Variants in MTREX observed in about 807,000 individuals in gnomAD.
MTREX encodes the protein exosome RNA helicase MTR4.
A neutral mutation model predicts 135.4 loss-of-function variants in MTREX; 76 were observed. The observed-to-expected ratio is 0.56, with a 90% confidence interval of 0.47 to 0.68. The LOEUF (loss-of-function observed/expected upper bound fraction) is 0.68. MTREX is among the 30% of genes least tolerant of loss of function. The probability of loss-of-function intolerance (pLI) is 0.00; values close to 1 mark genes in which losing one functional copy is unlikely to be tolerated. For synonymous variants in MTREX, 404 were observed against 401.6 expected (o/e 1.01, Z -0.07); for missense variants, 920 against 1,262.1 (o/e 0.73, Z 4.11).
chr5:55,414,291 G>A (rs1348474588), intron 24 of MTREX, 53 bp downstream of exon 24: 2 of 1,188,434 alleles, frequency 1.7e-6, no homozygotes, highest in Non-Finnish European at 2.2e-6. Flanking sequence ...ATAGTAGATT[G>A]TAAAATAAAC....
chr5:55,343,227 C>A (rs1014361082), intron 7 of MTREX, 104 bp from the exon 8 acceptor site: 1 of 1,014,012 alleles, frequency 9.9e-7, no homozygotes. Flanking sequence ...TGAGTAAAGT[C>A]TGCATTTCTA....
intron 19 of MTREX, among the ~76,000 whole-genome samples, chr5:55,396,867 G>T (rs1473274804): frequency 2.0e-5 from 3 of 152,182 alleles, no homozygotes; most frequent in Non-Finnish European, 4.4e-5. Flanking sequence ...AAGAGCAGTT[G>T]AAAGGAAGCA....
At chr5:55,333,331 C>A (rs942451841) in intron 5 of MTREX, among the ~76,000 whole-genome samples, 2 of 152,120 alleles carry the variant, frequency 1.3e-5, no homozygotes, top group African/African-American at 4.8e-5. Flanking sequence ...CACTCCTGTT[C>A]AGAAGATGCT....
intron 6 of MTREX, 65 bp downstream of exon 6, chr5:55,340,249 G>C: frequency 7.7e-7 from 1 of 1,297,976 alleles, no homozygotes; most frequent in Non-Finnish European, 1.0e-6. Flanking sequence ...TATTCAGTTA[G>C]AACCTGGGAA....
intron 11 of MTREX, 128 bp downstream of exon 11, chr5:55,347,272 AG>A: frequency 1.1e-6 from 1 of 876,858 alleles, no homozygotes; most frequent in Non-Finnish European, 1.7e-6. Context: ...AGCAGTACTC[AG>A]CACATTTGTA....
chr5:55,416,255 C>CT, intron 25 of MTREX, 123 bp downstream of exon 25: 1 of 579,970 alleles, frequency 1.7e-6, no homozygotes, highest in Non-Finnish European at 2.8e-6. Flanking sequence ...AATCTTCTCC[C>CT]TATTATATAG....
chr5:55,382,851 G>A (rs919759770), intron 18 of MTREX, among the ~76,000 whole-genome samples: 10 of 152,054 alleles, frequency 6.6e-5, no homozygotes, highest in African/African-American at 1.9e-4. Flanking sequence ...CCAGACTGAT[G>A]TCAAACTCCT....
intron 22 of MTREX, among the ~76,000 whole-genome samples, chr5:55,406,320 C>T (rs1361750207): frequency 5.3e-5 from 8 of 152,048 alleles, no homozygotes; most frequent in Non-Finnish European, 1.2e-4. Flanking sequence ...AGTAGGAGTC[C>T]GGAGCGGCTG....
At chr5:55,378,554 C>G (rs1472984890) in intron 17 of MTREX, 68 bp downstream of exon 17, 1 of 1,454,800 alleles carries the variant, frequency 6.9e-7, no homozygotes, top group Non-Finnish European at 9.2e-7. Context: ...GTTAAAGATT[C>G]TAATTTATTT....
chr5:55,407,603 CCTT>C (rs1164784890), intron 22 of MTREX, among the ~76,000 whole-genome samples: 1 of 152,190 alleles, frequency 6.6e-6, no homozygotes, highest in East Asian at 1.9e-4. Context: ...ATCCTAGACT[CCTT>C]CTCTCACCCA....
intron 3 of MTREX, among the ~76,000 whole-genome samples, chr5:55,326,303 G>A (rs1266438056): frequency 6.6e-6 from 1 of 152,202 alleles, no homozygotes; most frequent in Non-Finnish European, 1.5e-5. Flanking sequence ...AGGAGGCTGA[G>A]GCAGGGGAAT....
chr5:55,321,262 T>C (rs1021246221), intron 1 of MTREX, among the ~76,000 whole-genome samples: 2 of 152,200 alleles, frequency 1.3e-5, no homozygotes, highest in Non-Finnish European at 2.9e-5. Context: ...TTTGAGCCAC[T>C]GACCTGATAT....
intron 22 of MTREX, 64 bp from the exon 23 acceptor site, chr5:55,410,460 G>C (rs910478193): frequency 1.9e-5 from 16 of 850,904 alleles, no homozygotes; most frequent in Non-Finnish European, 3.1e-5. Context: ...CACGTTAAGG[G>C]CATATGTGTG....
chr5:55,410,468 G>A (rs541690368), intron 22 of MTREX, 56 bp from the exon 23 acceptor site: 5 of 957,034 alleles, frequency 5.2e-6, no homozygotes, highest in Admixed American at 3.8e-5. Flanking sequence ...GGGCATATGT[G>A]TGTGCATGTG....
At position 55,344,385 on chromosome 5, in the gene MTREX, G is replaced by C. The variant is rs1018855296; in HGVS notation, c.907-137G>C. ...ACGTTTTTCTCTTGCCTGGGTTTTAGTGAATTTTTTGAAGTGTTTTCTTTT... is the reference window on the plus strand; with the variant it reads ...ACGTTTTTCTCTTGCCTGGGTTTTACTGAATTTTTTGAAGTGTTTTCTTTT... On this transcript the variant is annotated intron_variant, in intron 8 of 26. Transcript: ENST00000230640. 6.5e-6 allele frequency: 4 copies of C among 611,962 alleles called. No homozygotes were observed. The Admixed American group carries it at 1.3e-4, about 20-fold the overall frequency. 37.9% of individuals were successfully genotyped at this position (611,962 alleles called of 1,614,324 possible).
At chr5:55,407,184 A>G (rs1318158248) in intron 22 of MTREX, among the ~76,000 whole-genome samples, 1 of 152,250 alleles carries the variant, frequency 6.6e-6, no homozygotes, top group Non-Finnish European at 1.5e-5. Flanking sequence ...TATATCGTTC[A>G]TCTGTCCAGA....
Position 55,388,113 on chromosome 5 carries a change from A to C in MTREX, c.2181+11A>C. Reference sequence around the variant, plus strand: ...AAAGGAGAGATGCAGGTTTGTACATAACTTTCTGTCTTCTGATTTCAGATA... The same window carrying C: ...AAAGGAGAGATGCAGGTTTGTACATCACTTTCTGTCTTCTGATTTCAGATA... On this transcript the variant is annotated intron_variant, in intron 19 of 26. Coordinates refer to ENST00000230640, the MANE Select transcript of MTREX (RefSeq NM_015360.5). 6.3e-7 allele frequency: 1 copy of C among 1,587,570 alleles called. No homozygotes were observed. The highest frequency in any genetic ancestry group is 2.3e-5 in the East Asian group (1 of 44,332).
intron 11 of MTREX, 145 bp downstream of exon 11, chr5:55,347,289 T>G (rs1749753980): frequency 2.9e-6 from 2 of 688,158 alleles, no homozygotes; most frequent in African/African-American, 3.8e-5. Context: ...TTGTAAAAGC[T>G]TTAAAGGCCT....
chr5:55,349,464 C>G, intron 11 of MTREX, 109 bp from the exon 12 acceptor site: 1 of 682,492 alleles, frequency 1.5e-6, no homozygotes. Context: ...GCTAGGATTA[C>G]AAGCTTGGGA....
Sources: allele counts gnomAD v4.1 joint callset (sites outside exome capture counted in the v4.1 genomes callset), GRCh38; gene constraint gnomAD v4.1.1; transcripts MANE v1.5; gene names NCBI Gene and HGNC (gene_info 2026-07-23, HGNC 2026-07-21).